ANKRD30A: variants seen among roughly 807,000 people sequenced by gnomAD.
ANKRD30A encodes the protein ankyrin repeat domain 30A.
Under a neutral mutation model 166.3 loss-of-function variants are expected in ANKRD30A, and 170 were observed. The observed-to-expected ratio is 1.02, with a 90% CI of 0.90 to 1.16. The LOEUF is 1.16. Ranked by LOEUF, ANKRD30A falls within the 50% of genes most tolerant of loss-of-function variation. The pLI, the probability that ANKRD30A is intolerant of heterozygous loss-of-function variation, is 0.00. For synonymous variants in ANKRD30A, 564 were observed against 508.9 expected (o/e 1.11, Z -1.46); for missense variants, 1,630 against 1,518.0 (o/e 1.07, Z -1.23).
the ANKRD30A span, among the ~76,000 whole-genome samples, chr10:37,244,223 G>T: frequency 2.6e-5 from 4 of 152,232 alleles, no homozygotes; most frequent in East Asian, 7.7e-4. Flanking sequence ...ATCTAAATTA[G>T]AAGTGTTTGA....
In ANKRD30A at chr10:37,132,349, ATAG is replaced by A. The variant is rs1836429231; in HGVS notation, c.617+8_617+10del. On this transcript the variant is annotated splice_donor_5th_base_variant and intron_variant, in intron 4 of 35. Coordinates refer to ENST00000361713, the MANE Select transcript of ANKRD30A (RefSeq NM_052997.3). ...AATGCAGTTAATAAGTATAAATGGTATAGTAGTTCTTTTTTTATTAAAAAACAC... is the reference window on the plus strand; with the variant it reads ...AATGCAGTTAATAAGTATAAATGGTATAGTTCTTTTTTTATTAAAAAACAC... 1.3e-6 allele frequency: 2 copies of A among 1,512,690 alleles called. No homozygotes were observed. Among genetic ancestry groups the A allele is most frequent in the Non-Finnish European group, 1.8e-6 (2 of 1,120,598 alleles). The allele number at this position is 1,512,690 out of a possible 1,614,324, so 93.7% of individuals were successfully genotyped here. A position where few individuals can be genotyped will look rare whatever the true frequency, so the allele number is the denominator to read the frequency against.
chr10:37,196,098 T>TTTTA (rs1478345571), intron 27 of ANKRD30A, among the ~76,000 whole-genome samples: 52 of 148,174 alleles, frequency 3.5e-4, no homozygotes, highest in South Asian at 3.0e-3. Context: ...TTTCTATTTT[T>TTTTA]TTTTTTTTTT....
intron 13 of ANKRD30A, among the ~76,000 whole-genome samples, chr10:37,155,575 G>T (rs994509193): frequency 7.2e-5 from 11 of 152,156 alleles, no homozygotes; most frequent in Admixed American, 7.2e-4. Context: ...AAGACACATG[G>T]TGTAGCATTC....
chr10:37,162,435 A>G (rs950672420), intron 15 of ANKRD30A, among the ~76,000 whole-genome samples: 2 of 152,182 alleles, frequency 1.3e-5, no homozygotes, highest in African/African-American at 4.8e-5. Flanking sequence ...TTGAAGTCTT[A>G]ACTGCATGAT....
chr10:37,159,773 C>G (rs1838702917), intron 15 of ANKRD30A, among the ~76,000 whole-genome samples: 1 of 152,074 alleles, frequency 6.6e-6, no homozygotes, highest in African/African-American at 2.4e-5. Context: ...TCGGCTCACG[C>G]AAGCTCTGCC....
intron 27 of ANKRD30A, among the ~76,000 whole-genome samples, chr10:37,196,070 T>A (rs1046235365): frequency 6.7e-6 from 1 of 149,966 alleles, no homozygotes; most frequent in Non-Finnish European, 1.5e-5. Flanking sequence ...TTCTACAGAG[T>A]TAGAGGTTTT....
chr10:37,232,443 GA>G (rs1307442361), intron 35 of ANKRD30A, 55 bp from the exon 36 acceptor site: 1 of 150,676 alleles, frequency 6.6e-6, no homozygotes, highest in East Asian at 2.0e-4. Context: ...CGATGATATT[GA>G]GTCTTTTAAT....
intron 11 of ANKRD30A, 25 bp from the exon 12 acceptor site, chr10:37,152,035 T>C (rs937115641): frequency 2.5e-6 from 4 of 1,575,276 alleles, no homozygotes; most frequent in African/African-American, 2.7e-5. Context: ...TTGTCATGAA[T>C]GTTTCTGTGA....
rs752970745 is a variant in ANKRD30A at position 37,219,764 on chromosome 10, C to A, written c.4052C>A (p.Thr1351Lys). The change falls in exon 34 of 36, where the codon ACA becomes AAA. Residue 1351 changes from threonine (T) to lysine (K), a missense_variant. Transcript: ENST00000361713. ...AAAGCTGACAACAAAAGCAAGATAA[C>A]AATTGATATTCATTTTCTTGAGAGG... Reference protein sequence around the residue: ...HKKADNKSKITIDIHFLERKM... With the variant: ...HKKADNKSKIKIDIHFLERKM... 3.1e-6 allele frequency: 5 copies of A among 1,608,114 alleles called. No homozygotes were observed. Among genetic ancestry groups the A allele is most frequent in the African/African-American group, 1.3e-5 (1 of 74,334 alleles).
the ANKRD30A span, among the ~76,000 whole-genome samples, chr10:37,252,653 T>C: frequency 5.9e-5 from 9 of 152,024 alleles, no homozygotes; most frequent in Admixed American, 2.6e-4. Flanking sequence ...TCCCAGTTCA[T>C]GAATATAAAC....
the ANKRD30A span, among the ~76,000 whole-genome samples, chr10:37,255,444 C>T: frequency 1.3e-5 from 2 of 152,090 alleles, no homozygotes; most frequent in South Asian, 4.1e-4. Context: ...GGTTTTGGTT[C>T]TATGATTAAT....
chr10:37,130,037 G>T, intron 2 of ANKRD30A, 30 bp downstream of exon 2: 2 of 1,431,090 alleles, frequency 1.4e-6, no homozygotes, highest in Non-Finnish European at 1.8e-6. Flanking sequence ...TTCAGCAGGA[G>T]ATGGATTTGG....
the ANKRD30A span, among the ~76,000 whole-genome samples, chr10:37,239,704 G>A: frequency 6.6e-6 from 1 of 152,010 alleles, no homozygotes; most frequent in Non-Finnish European, 1.5e-5. Context: ...AATATTATTT[G>A]TAATTTTTTC....
chr10:37,209,621 T>A (rs528107667), intron 31 of ANKRD30A, among the ~76,000 whole-genome samples: 1 of 152,258 alleles, frequency 6.6e-6, no homozygotes, highest in African/African-American at 2.4e-5. Context: ...GGGACACACA[T>A]CCAAACTATG....
At chr10:37,257,542 G>C in the ANKRD30A span, among the ~76,000 whole-genome samples, 1 of 152,124 alleles carries the variant, frequency 6.6e-6, no homozygotes, top group South Asian at 2.1e-4. Context: ...ATTGAGTGCT[G>C]TAAGTTTCCC....
At chr10:37,147,497 T>C in intron 9 of ANKRD30A, 40 bp downstream of exon 9, 1 of 1,387,300 alleles carries the variant, frequency 7.2e-7, no homozygotes, top group Non-Finnish European at 1.0e-6. Context: ...TTTAACCATA[T>C]GTTTGTCTAA....
intron 17 of ANKRD30A, among the ~76,000 whole-genome samples, chr10:37,163,849 GT>G (rs1200858625): frequency 5.4e-5 from 6 of 110,486 alleles, no homozygotes; most frequent in Admixed American, 2.0e-4. Flanking sequence ...TAAAAAGTTA[GT>G]TTTATCTGCT....
downstream of ANKRD30A, among the ~76,000 whole-genome samples, chr10:37,235,514 G>GTA (rs1161824734): frequency 1.3e-5 from 2 of 151,962 alleles, no homozygotes; most frequent in Non-Finnish European, 2.9e-5. Flanking sequence ...ATAGAGAATG[G>GTA]TATTACATTT....
intron 27 of ANKRD30A, among the ~76,000 whole-genome samples, chr10:37,195,551 A>T (rs1841005649): frequency 6.6e-6 from 1 of 152,190 alleles, no homozygotes; most frequent in Non-Finnish European, 1.5e-5. Flanking sequence ...TATAATTGTC[A>T]ACCACATTAC....
Sources: gnomAD v4.1 joint callset for allele counts (sites outside exome capture counted in the v4.1 genomes callset) on GRCh38, gnomAD v4.1.1 for gene constraint, MANE v1.5 for transcripts, NCBI Gene and HGNC (gene_info 2026-07-23, HGNC 2026-07-21) for gene names.